Variants in GNAQ observed in about 807,000 individuals in gnomAD.
GNAQ encodes the protein guanine nucleotide-binding protein G(q) subunit alpha.
GNAQ carries 8 observed loss-of-function variants against 43.9 expected under a neutral mutation model. The ratio of observed to expected loss-of-function variants is 0.18; its 90% CI spans 0.11 to 0.33. The LOEUF (loss-of-function observed/expected upper bound fraction) is 0.33. Ranked by LOEUF, GNAQ falls within the 10% of genes least tolerant of loss-of-function variation. The pLI is 1.00. For missense variants in GNAQ, 158 were observed against 450.8 expected, an observed-to-expected ratio of 0.35 and a Z score of 5.88; for synonymous variants, 155 against 170.7, an observed-to-expected ratio of 0.91 and a Z score of 0.71.
At chr9:77,983,596 T>C (rs72738419) in intron 1 of GNAQ, among the ~76,000 whole-genome samples, 20,077 of 152,172 alleles carry the variant, frequency 0.13, 1,593 homozygotes, top group East Asian at 0.33. Context: ...TTATTCCTCA[T>C]AGTTGGTGTA....
intron 5 of GNAQ, among the ~76,000 whole-genome samples, chr9:77,773,026 T>C (rs969776948): frequency 6.6e-6 from 1 of 152,260 alleles, no homozygotes; most frequent in African/African-American, 2.4e-5. Context: ...GCCCACAGGC[T>C]ATGGGTTGGA....
intron 5 of GNAQ, among the ~76,000 whole-genome samples, chr9:77,768,684 C>A (rs1034826275): frequency 2.6e-5 from 4 of 152,268 alleles, no homozygotes; most frequent in Middle Eastern, 3.4e-3. Flanking sequence ...TGTTTAAGAA[C>A]TAGTTCTTCT....
intron 2 of GNAQ, among the ~76,000 whole-genome samples, chr9:77,852,310 G>A (rs1209314020): frequency 2.6e-5 from 4 of 152,172 alleles, no homozygotes; most frequent in Admixed American, 6.5e-5. Context: ...GTGACGTCCT[G>A]ACCACTTCAC....
chr9:77,833,340 G>C (rs1485451655), intron 2 of GNAQ, among the ~76,000 whole-genome samples: 1 of 152,174 alleles, frequency 6.6e-6, no homozygotes, highest in African/African-American at 2.4e-5. Flanking sequence ...CTCTCCCTTG[G>C]GCAGTCGAAT....
chr9:78,020,007 T>C (rs1421236348), intron 1 of GNAQ, among the ~76,000 whole-genome samples: 1 of 151,342 alleles, frequency 6.6e-6, no homozygotes, highest in East Asian at 1.9e-4. Context: ...TAGGCTTGGA[T>C]GTAATGGCCC....
chr9:77,739,721 TG>T (rs1825625141), intron 5 of GNAQ, among the ~76,000 whole-genome samples: 1 of 152,230 alleles, frequency 6.6e-6, no homozygotes, highest in Non-Finnish European at 1.5e-5. Flanking sequence ...GTAGGAGAGT[TG>T]TTCGCAGGAG....
chr9:77,725,107 T>C (rs1483594808), intron 6 of GNAQ, among the ~76,000 whole-genome samples: 2 of 151,952 alleles, frequency 1.3e-5, no homozygotes, highest in East Asian at 3.9e-4. Flanking sequence ...TTATTTACCC[T>C]ACAGAATATA....
At chr9:77,743,548 A>G (rs1230106645) in intron 5 of GNAQ, among the ~76,000 whole-genome samples, 1 of 152,230 alleles carries the variant, frequency 6.6e-6, no homozygotes, top group African/African-American at 2.4e-5. Flanking sequence ...CAAAGCTGCC[A>G]CAGAGGCAGA....
chr9:77,880,531 C>T (rs1828190944), intron 2 of GNAQ, among the ~76,000 whole-genome samples: 1 of 151,118 alleles, frequency 6.6e-6, no homozygotes, highest in Non-Finnish European at 1.5e-5. Flanking sequence ...CAGATATGTG[C>T]CCCACACCTG....
At chr9:77,864,168 CTT>C (rs113840423) in intron 2 of GNAQ, among the ~76,000 whole-genome samples, 92 of 131,310 alleles carry the variant, frequency 7.0e-4, no homozygotes, top group Admixed American at 1.0e-3. Context: ...AGGTGCCAGG[CTT>C]TTTTTTTTTT....
intron 2 of GNAQ, among the ~76,000 whole-genome samples, chr9:77,854,871 T>A (rs1258459512): frequency 1.3e-5 from 2 of 152,172 alleles, no homozygotes; most frequent in Non-Finnish European, 2.9e-5. Context: ...CACCTAGAAG[T>A]TCAGGGTTTC....
chr9:77,920,817 G>C (rs1438361978), intron 2 of GNAQ, among the ~76,000 whole-genome samples: 4 of 152,176 alleles, frequency 2.6e-5, no homozygotes. Context: ...TAAGAAACCA[G>C]TGTTAATTTC....
In GNAQ at chr9:77,758,650, G is replaced by A. The variant is rs1339535207; in HGVS notation, c.736-29983C>T. ...TTTACAAATAAACATATGTACTTAT[G>A]TATATATAATTTTAGATAAATGGTA... On this transcript the variant is annotated intron_variant, in intron 5 of 6. Transcript: ENST00000286548. Among the ~76,000 whole-genome samples, 6 of 152,022 alleles carry A rather than the reference G, an allele frequency of 3.9e-5. No homozygotes were observed. In the East Asian group the frequency reaches 7.7e-4, roughly 19 times the overall value.
At chr9:77,932,562 T>C (rs958629069) in intron 1 of GNAQ, among the ~76,000 whole-genome samples, 1 of 152,138 alleles carries the variant, frequency 6.6e-6, no homozygotes, top group Non-Finnish European at 1.5e-5. Flanking sequence ...TTCCAAGCAG[T>C]TGACCAGCTG....
chr9:77,935,205 T>C (rs1476992603), intron 1 of GNAQ, among the ~76,000 whole-genome samples: 1 of 152,180 alleles, frequency 6.6e-6, no homozygotes, highest in Non-Finnish European at 1.5e-5. Flanking sequence ...AACACACATG[T>C]ACAAGCAAGC....
intron 5 of GNAQ, among the ~76,000 whole-genome samples, chr9:77,767,315 C>T (rs1221965414): frequency 6.6e-6 from 1 of 152,084 alleles, no homozygotes; most frequent in Non-Finnish European, 1.5e-5. Flanking sequence ...TACTAGATGC[C>T]AGTAGCACCC....
chr9:77,727,116 C>G (rs1825409443), intron 6 of GNAQ, among the ~76,000 whole-genome samples: 1 of 147,868 alleles, frequency 6.8e-6, no homozygotes, highest in African/African-American at 2.5e-5. Context: ...GAGACAGGGT[C>G]TCCCATCACC....
At chr9:77,824,321 A>G (rs905879633) in intron 2 of GNAQ, among the ~76,000 whole-genome samples, 23 of 152,336 alleles carry the variant, frequency 1.5e-4, no homozygotes, top group African/African-American at 5.5e-4. Context: ...TGGTAAGCTT[A>G]GAACAAGGTC....
At chr9:77,842,358 C>A (rs542812317) in intron 2 of GNAQ, among the ~76,000 whole-genome samples, 1 of 152,220 alleles carries the variant, frequency 6.6e-6, no homozygotes, top group South Asian at 2.1e-4. Flanking sequence ...CCTGACAGTA[C>A]CATGTGAGCA....
Sources: allele counts gnomAD v4.1 joint callset (sites outside exome capture counted in the v4.1 genomes callset), GRCh38; gene constraint gnomAD v4.1.1; transcripts MANE v1.5; gene names NCBI Gene and HGNC (gene_info 2026-07-23, HGNC 2026-07-21).